DENND1A: variants seen among roughly 807,000 people sequenced by gnomAD.
DENND1A encodes the protein DENN domain containing 1A.
Under a neutral mutation model 113.7 loss-of-function variants are expected in DENND1A, and 51 were observed. The ratio of observed to expected loss-of-function variants is 0.45; its 90% confidence interval spans 0.36 to 0.57. The LOEUF is 0.57. Ranked by LOEUF, DENND1A falls within the 20% of genes least tolerant of loss-of-function variation. DENND1A has a pLI of 0.00. For missense variants in DENND1A, 1,258 were observed against 1,395.9 expected (o/e 0.90, Z 1.57); for synonymous variants, 565 against 570.8 (o/e 0.99, Z 0.14).
At chr9:123,592,537 T>A (rs1015492480) in intron 11 of DENND1A, among the ~76,000 whole-genome samples, 1 of 152,122 alleles carries the variant, frequency 6.6e-6, no homozygotes, top group Admixed American at 6.5e-5. Flanking sequence ...CTGACTAGAA[T>A]AGGGTACAAG....
At chr9:123,535,399 T>G (rs2055671901) in intron 13 of DENND1A, among the ~76,000 whole-genome samples, 1 of 152,084 alleles carries the variant, frequency 6.6e-6, no homozygotes, top group Non-Finnish European at 1.5e-5. Context: ...TGAGCTATGA[T>G]CGTGCCACTG....
chr9:123,418,145 T>C (rs1206260655), intron 19 of DENND1A, among the ~76,000 whole-genome samples: 4 of 152,032 alleles, frequency 2.6e-5, no homozygotes, highest in African/African-American at 9.7e-5. Flanking sequence ...GAGGATGGGG[T>C]ATGCTCCTAG....
chr9:123,551,378 C>A (rs1319489545), intron 13 of DENND1A, among the ~76,000 whole-genome samples: 1 of 152,218 alleles, frequency 6.6e-6, no homozygotes, highest in African/African-American at 2.4e-5. Context: ...AATATATTCA[C>A]TGATACCTAC....
At chr9:123,712,773 G>C (rs1456257396) in intron 5 of DENND1A, among the ~76,000 whole-genome samples, 1 of 152,172 alleles carries the variant, frequency 6.6e-6, no homozygotes, top group East Asian at 1.9e-4. Flanking sequence ...ACTAGCCCAA[G>C]GTGAAAAGGA....
At chr9:123,454,834 G>T in intron 15 of DENND1A, 55 bp from the exon 16 acceptor site, 1 of 1,495,494 alleles carries the variant, frequency 6.7e-7, no homozygotes, top group Non-Finnish European at 9.1e-7. Context: ...TTGTCCTTGG[G>T]AGTCCTTAAA....
rs1223089135 is a variant in DENND1A, at chr9:123,605,732, C to T, written c.765+3704G>A. The stretch of plus-strand genomic sequence containing the variant: ...CATGAACCAGAATTAGGTCTTTCCC[C>T]AAAATAACCTTTTTAAAAATAACAA... On this transcript the variant is annotated intron_variant, in intron 11 of 23. Transcript: ENST00000394215. 1.3e-5 allele frequency among the ~76,000 whole-genome samples: 2 copies of T among 152,078 alleles called. 1 individual carries two copies. The highest frequency in any genetic ancestry group is 2.9e-5 in the Non-Finnish European group (2 of 68,038).
chr9:123,568,269 C>T (rs2136275887), intron 12 of DENND1A, among the ~76,000 whole-genome samples: 1 of 152,306 alleles, frequency 6.6e-6, no homozygotes, highest in South Asian at 2.1e-4. Flanking sequence ...TATCTGGATG[C>T]CTCTAGGCAA....
intron 3 of DENND1A, among the ~76,000 whole-genome samples, chr9:123,780,779 A>G (rs1306065319): frequency 3.9e-5 from 6 of 152,122 alleles, no homozygotes; most frequent in Admixed American, 1.3e-4. Flanking sequence ...TTGGTTCCTC[A>G]TCTACCAATG....
chr9:123,744,694 T>G (rs888349027), intron 5 of DENND1A, among the ~76,000 whole-genome samples: 4 of 152,062 alleles, frequency 2.6e-5, no homozygotes, highest in Non-Finnish European at 5.9e-5. Context: ...TGGTCTACCT[T>G]TCAATATCTA....
At chr9:123,407,203 G>T (rs1453673030) in intron 20 of DENND1A, among the ~76,000 whole-genome samples, 3 of 151,912 alleles carry the variant, frequency 2.0e-5, no homozygotes, top group Non-Finnish European at 4.4e-5. Flanking sequence ...AGCCTCGGAG[G>T]CTGGGGAGGG....
chr9:123,734,539 G>T (rs138737453), intron 5 of DENND1A, among the ~76,000 whole-genome samples: 6 of 152,164 alleles, frequency 3.9e-5, no homozygotes, highest in African/African-American at 1.2e-4. Context: ...AGTCAAATAA[G>T]GCACCAAGTT....
intron 13 of DENND1A, among the ~76,000 whole-genome samples, chr9:123,464,221 A>T (rs1247955755): frequency 1.3e-5 from 2 of 152,368 alleles, no homozygotes; most frequent in South Asian, 4.1e-4. Flanking sequence ...TGGTACAAAC[A>T]GTAATAACTA....
intron 10 of DENND1A, among the ~76,000 whole-genome samples, chr9:123,617,227 C>T (rs374084344): frequency 6.6e-6 from 1 of 152,170 alleles, no homozygotes; most frequent in East Asian, 1.9e-4. Context: ...CAGAGGATGA[C>T]GATCCATGAG....
chr9:123,495,144 TCTCTCTC>T (rs2051778496), intron 13 of DENND1A, among the ~76,000 whole-genome samples: 2 of 31,426 alleles, frequency 6.4e-5, no homozygotes, highest in Non-Finnish European at 3.2e-4. Context: ...TGTCTCTTTC[TCTCTCTC>T]TCTCTCTCTC....
intron 12 of DENND1A, among the ~76,000 whole-genome samples, chr9:123,572,626 A>G (rs971109848): frequency 2.6e-5 from 4 of 152,164 alleles, no homozygotes; most frequent in Non-Finnish European, 5.9e-5. Flanking sequence ...CAAATATTTT[A>G]CCCATTTTAA....
intron 2 of DENND1A, among the ~76,000 whole-genome samples, chr9:123,873,868 G>A (rs543402441): frequency 2.0e-5 from 3 of 151,916 alleles, no homozygotes; most frequent in East Asian, 1.9e-4. Context: ...TCAGCCACCC[G>A]AGCAGCTGGG....
intron 19 of DENND1A, among the ~76,000 whole-genome samples, chr9:123,425,853 G>A (rs575283567): frequency 2.8e-4 from 43 of 152,368 alleles, no homozygotes; most frequent in African/African-American, 9.9e-4. Flanking sequence ...AGGGTTGGGA[G>A]GATTTTCTGT....
chr9:123,390,540 G>A (rs145022852), intron 21 of DENND1A, among the ~76,000 whole-genome samples: 23 of 152,318 alleles, frequency 1.5e-4, no homozygotes, highest in Non-Finnish European at 2.4e-4. Flanking sequence ...AGAAGGTGTC[G>A]CAATACTGAT....
chr9:123,457,473 A>G (rs1403499227), intron 14 of DENND1A, 38 bp from the exon 15 acceptor site: 4 of 1,534,854 alleles, frequency 2.6e-6, no homozygotes, highest in African/African-American at 1.4e-5. Flanking sequence ...CAGCTCGTAC[A>G]AAGAAAAGGG....
Sources: gnomAD v4.1 joint callset for allele counts (sites outside exome capture counted in the v4.1 genomes callset) on GRCh38, gnomAD v4.1.1 for gene constraint, MANE v1.5 for transcripts, NCBI Gene and HGNC (gene_info 2026-07-23, HGNC 2026-07-21) for gene names.